The following ARHGEF40 variants were observed in gnomAD, a reference collection of about 807,000 sequenced individuals.
ARHGEF40 encodes the protein Rho guanine nucleotide exchange factor 40.
ARHGEF40 carries 98 observed loss-of-function variants against 165.9 expected under a neutral mutation model. The ratio of observed to expected loss-of-function variants is 0.59; its 90% CI spans 0.50 to 0.70. The LOEUF is 0.70. Among genes scored for constraint, ARHGEF40 ranks in the 30% least tolerant of loss-of-function variants. The pLI is 0.00. For missense variants in ARHGEF40, 1,815 were observed against 1,968.0 expected, an observed-to-expected ratio of 0.92 and a Z score of 1.47; for synonymous variants, 792 against 814.3, an observed-to-expected ratio of 0.97 and a Z score of 0.47.
chr14:21,069,343 A>G (rs1186085238), upstream of ARHGEF40, among the ~76,000 whole-genome samples: 1 of 151,904 alleles, frequency 6.6e-6, no homozygotes, highest in Admixed American at 6.5e-5. Context: ...ACCCATTCCC[A>G]TGGCCACGAG....
At position 21,090,006 on chromosome 14, in the gene ARHGEF40, G is replaced by C. The variant is rs1376365570; in HGVS notation, c.*998G>C. 4 of 253,266 alleles carry C rather than the reference G, an allele frequency of 1.6e-5. No homozygotes were observed. Among genetic ancestry groups the C allele is most frequent in the Admixed American group, 9.3e-5 (2 of 21,400 alleles). 15.7% of individuals were successfully genotyped at this position (253,266 alleles called of 1,614,324 possible). A position where few individuals can be genotyped will look rare whatever the true frequency, so the allele number is the denominator to read the frequency against. On this transcript the variant is annotated 3_prime_UTR_variant, in exon 24 of 24. Transcript: ENST00000298694. The surrounding 1 kb of genome is among the most constrained non-coding windows in gnomAD (Gnocchi z 4.4). ...TTTGGGTGATAACTAAGTGTCTGAA[G>C]AGGTGACTATTTCCTGACAGAAGGA...
intron 16 of ARHGEF40, 84 bp from the exon 17 acceptor site, chr14:21,083,751 A>G: frequency 7.8e-7 from 1 of 1,289,688 alleles, no homozygotes; most frequent in Non-Finnish European, 1.1e-6. Context: ...AGCCTAGGGT[A>G]TCACCCACCT....
In ARHGEF40 at chr14:21,081,520, G is replaced by A; in HGVS notation, c.2652G>A (p.Trp884Ter). 1 of 1,613,072 alleles carries A rather than the reference G, an allele frequency of 6.2e-7. No homozygotes were observed. Among genetic ancestry groups the A allele is most frequent in the Non-Finnish European group, 8.5e-7 (1 of 1,179,920 alleles). ...CTTTGACTTCGTAGGCACATGAATG[G>A]GTGGATGAGGGCTTTGCTCGGCTGG... ...LQRFFQQAHE[W>*]VDEGFARLAG... The change falls in exon 14 of 24, where the codon TGG becomes TGA. Residue 884 changes from tryptophan (W) to a stop codon, truncating the protein, a stop_gained. Transcript: ENST00000298694. LOFTEE classifies it high-confidence loss of function.
rs1432648515 is a variant in ARHGEF40, at chr14:21,084,828, C to T, written c.3865C>T (p.Arg1289Cys). The change falls in exon 18 of 24, where the codon CGC becomes TGC. Residue 1289 changes from arginine to cysteine, a missense_variant. Arg to Cys is a radical substitution (Grantham distance 180, BLOSUM62 -3). Coordinates refer to ENST00000298694, the MANE Select transcript of ARHGEF40 (RefSeq NM_018071.5). ...TVICGRKKCL[R>C]HVFLFEHLLL... Reference sequence around the variant, plus strand: ...CATCTGTGGCCGAAAGAAGTGCCTTCGCCATGTCTTTCTCTTCGAGCATCT... The same window carrying T: ...CATCTGTGGCCGAAAGAAGTGCCTTTGCCATGTCTTTCTCTTCGAGCATCT... 1 of 1,614,106 alleles carries T rather than the reference C, an allele frequency of 6.2e-7. No individual in the cohort carries two copies. The highest frequency in any genetic ancestry group is 8.5e-7 in the Non-Finnish European group (1 of 1,180,036).
At chr14:21,081,122 C>T (rs1312865456) in intron 13 of ARHGEF40, 106 bp downstream of exon 13, 8 of 1,502,480 alleles carry the variant, frequency 5.3e-6, no homozygotes, top group Non-Finnish European at 6.2e-6. Context: ...CTGAGGGGCC[C>T]ATCTCCTAGG....
At chr14:21,078,312 A>G in intron 9 of ARHGEF40, 40 bp downstream of exon 9, 1 of 1,606,784 alleles carries the variant, frequency 6.2e-7, no homozygotes, top group Non-Finnish European at 8.5e-7. Flanking sequence ...TGGGATTGGG[A>G]TGGGGCTGGG....
chr14:21,074,622 C>A lies in ARHGEF40; in HGVS notation c.892C>A (p.Arg298=). 1 of 1,566,922 alleles carries A rather than the reference C, an allele frequency of 6.4e-7. No individual in the cohort carries two copies. Among genetic ancestry groups the A allele is most frequent in the Non-Finnish European group, 8.6e-7 (1 of 1,157,094 alleles). ...AWMHQKGLGP[R]GQDGARPPGE... is the part of the protein sequence containing the mutation. The stretch of plus-strand genomic sequence containing the variant: ...GATGCACCAGAAGGGCCTGGGGCCT[C>A]GGGGCCAGGATGGAGCACGCCCACC... Residue 298 remains arginine (R), a synonymous_variant, in exon 3 of 24, where the codon CGG becomes AGG. Coordinates refer to ENST00000298694, the MANE Select transcript of ARHGEF40 (RefSeq NM_018071.5). The surrounding 1 kb of genome is among the most constrained non-coding windows in gnomAD (Gnocchi z 4.8).
At chr14:21,069,557 G>A (rs541382684), upstream of ARHGEF40, among the ~76,000 whole-genome samples, 5 of 152,218 alleles carry the variant, frequency 3.3e-5, no homozygotes, top group Non-Finnish European at 2.9e-5. Flanking sequence ...ATCCCGATCC[G>A]GGAACCCTGC....
intron 18 of ARHGEF40, 67 bp from the exon 19 acceptor site, chr14:21,085,622 T>G (rs989811760): frequency 3.9e-6 from 6 of 1,555,326 alleles, no homozygotes; most frequent in Non-Finnish European, 3.5e-6. Context: ...AGCCCAGTGC[T>G]TGCCATGTGG....
chr14:21,064,686 G>A, the ARHGEF40 span, among the ~76,000 whole-genome samples: 1 of 152,210 alleles, frequency 6.6e-6, no homozygotes, highest in South Asian at 2.1e-4. Context: ...CATGAAGAAA[G>A]CAGAACACAA....
At chr14:21,088,955 C>T in intron 23 of ARHGEF40, 59 bp from the exon 24 acceptor site, 1 of 1,451,284 alleles carries the variant, frequency 6.9e-7, no homozygotes, top group Middle Eastern at 1.9e-4. Context: ...TCCCCGGCTA[C>T]TTGGGAGTCA....
intron 15 of ARHGEF40, 126 bp downstream of exon 15, chr14:21,082,604 G>A: frequency 2.5e-6 from 3 of 1,220,086 alleles, no homozygotes; most frequent in Non-Finnish European, 2.2e-6. Flanking sequence ...TTGGGGCCCA[G>A]CCCTGTTCTG....
rs1391323576 is a variant in ARHGEF40, at chr14:21,081,521, G to A, written c.2653G>A (p.Val885Met). The A allele has an allele frequency of 1.9e-6, 3 of 1,613,086 alleles. No individual in the cohort carries two copies. In the South Asian group the frequency reaches 3.3e-5, roughly 18 times the overall value. The change falls in exon 14 of 24, where the codon GTG becomes ATG. Residue 885 changes from valine (V) to methionine (M), a missense_variant. By Grantham distance (21) the Val-to-Met change is conservative. Transcript: ENST00000298694. Reference protein sequence around the residue: ...QRFFQQAHEWVDEGFARLAGA... With the variant: ...QRFFQQAHEWMDEGFARLAGA... ...TTTGACTTCGTAGGCACATGAATGG[G>A]TGGATGAGGGCTTTGCTCGGCTGGC...
chr14:21,087,417 C>T lies in ARHGEF40; in HGVS notation c.4341C>T (p.Arg1447=). Residue 1447 remains arginine (R), a synonymous_variant, in exon 21 of 24, where the codon CGC becomes CGT. Transcript: ENST00000298694. ...CGGGAGCCTGCTCCCTGCCTGCCCG[C>T]GTCGAGGAGGAGGCCTGGGATCTGG... ...LSPGACSLPA[R]VEEEAWDLDV... 3.1e-6 allele frequency: 5 copies of T among 1,601,628 alleles called. No homozygotes were observed. Among genetic ancestry groups the T allele is most frequent in the Middle Eastern group, 3.3e-4 (2 of 6,062 alleles).
intron 10 of ARHGEF40, 130 bp from the exon 11 acceptor site, chr14:21,078,753 AG>A: frequency 1.5e-6 from 2 of 1,337,708 alleles, no homozygotes; most frequent in Non-Finnish European, 2.0e-6. Context: ...CAAAGCAGTC[AG>A]GGTTCAGCCC....
At position 21,073,029 on chromosome 14, in the gene ARHGEF40, G is replaced by C; in HGVS notation, c.4-16G>C. 4 of 1,610,888 alleles carry C rather than the reference G, an allele frequency of 2.5e-6. No homozygotes were observed. The highest frequency in any genetic ancestry group is 2.5e-6 in the Non-Finnish European group (3 of 1,177,494). On this transcript the variant is annotated splice_polypyrimidine_tract_variant and intron_variant, in intron 1 of 23. Coordinates refer to ENST00000298694, the MANE Select transcript of ARHGEF40 (RefSeq NM_018071.5). The surrounding 1 kb of genome is among the most constrained non-coding windows in gnomAD (Gnocchi z 4.6). ...GGTGATCTCTAGGGATCTGTAGCCT[G>C]GTCCTATCTCTACAGGAGCCTGAGC... is the stretch of plus-strand genomic sequence containing the variant.
In ARHGEF40 at chr14:21,072,799, C is replaced by A. The variant is rs1173288156; in HGVS notation, c.4-246C>A. On this transcript the variant is annotated intron_variant, in intron 1 of 23. Transcript: ENST00000298694. The surrounding 1 kb of genome is among the most constrained non-coding windows in gnomAD (Gnocchi z 4.1). ...TGATCAGGGGCATTCACAACAAATT[C>A]TCCCTGGATCTCCAAAGCCAAGGTC... Among the ~76,000 whole-genome samples the A allele has an allele frequency of 6.6e-6, 1 of 152,196 alleles. No homozygotes were observed. The highest frequency in any genetic ancestry group is 6.5e-5 in the Admixed American group (1 of 15,280).
In ARHGEF40 at chr14:21,090,019, C is replaced by T. The variant is rs1053348931; in HGVS notation, c.*1011C>T. On this transcript the variant is annotated 3_prime_UTR_variant, in exon 24 of 24. Coordinates refer to ENST00000298694, the MANE Select transcript of ARHGEF40 (RefSeq NM_018071.5). This position sits in a 1 kb window ranked among gnomAD's most constrained non-coding sequence, Gnocchi z 4.4. ...TAAGTGTCTGAAGAGGTGACTATTT[C>T]CTGACAGAAGGACCCAAAGAGGGAA... 8.0e-6 allele frequency: 2 copies of T among 249,046 alleles called. No individual in the cohort carries two copies. The highest frequency in any genetic ancestry group is 4.5e-5 in the African/African-American group (2 of 44,382). The allele number at this position is 249,046 out of a possible 1,614,324, so 15.4% of individuals were successfully genotyped here. A position where few individuals can be genotyped will look rare whatever the true frequency, so the allele number is the denominator to read the frequency against.
chr14:21,072,945 G>T lies in ARHGEF40; in HGVS notation c.4-100G>T. Reference sequence around the variant, plus strand: ...CACTTTTTGCCCACATTGTACAATCGGGGCTTTGGAGAACACAGCCAACCC... The same window carrying T: ...CACTTTTTGCCCACATTGTACAATCTGGGCTTTGGAGAACACAGCCAACCC... On this transcript the variant is annotated intron_variant, in intron 1 of 23. Coordinates refer to ENST00000298694, the MANE Select transcript of ARHGEF40 (RefSeq NM_018071.5). The surrounding 1 kb of genome is among the most constrained non-coding windows in gnomAD (Gnocchi z 4.1). 1 of 1,207,326 alleles carries T rather than the reference G, an allele frequency of 8.3e-7. No individual in the cohort carries two copies. The highest frequency in any genetic ancestry group is 1.2e-6 in the Non-Finnish European group (1 of 850,224). 74.8% of individuals were successfully genotyped at this position (1,207,326 alleles called of 1,614,324 possible). A position where few individuals can be genotyped will look rare whatever the true frequency, so the allele number is the denominator to read the frequency against.
Sources: gnomAD v4.1 joint callset for allele counts (sites outside exome capture counted in the v4.1 genomes callset) on GRCh38, gnomAD v4.1.1 for gene constraint, Gnocchi (gnomAD v3.1) non-coding constraint, MANE v1.5 for transcripts, NCBI Gene and HGNC (gene_info 2026-07-23, HGNC 2026-07-21) for gene names.